The following FAM47E variants were observed in gnomAD, a reference collection of about 807,000 sequenced individuals.
FAM47E encodes protein FAM47E.
A neutral mutation model predicts 41.6 loss-of-function variants in FAM47E; 32 were observed. The observed-to-expected ratio is 0.77, with a 90% CI of 0.58 to 1.03. The LOEUF (loss-of-function observed/expected upper bound fraction) is 1.03. FAM47E is among the 50% of genes least tolerant of loss of function. The probability of loss-of-function intolerance (pLI) is 0.00; values close to 1 mark genes in which losing one functional copy is unlikely to be tolerated. For missense variants in FAM47E, 424 were observed against 485.4 expected (o/e 0.87, Z 1.19); for synonymous variants, 184 against 188.7 (o/e 0.98, Z 0.20).
At chr4:76,222,116 A>C (rs2109980350) in intron 2 of FAM47E, among the ~76,000 whole-genome samples, 1 of 152,356 alleles carries the variant, frequency 6.6e-6, no homozygotes, top group East Asian at 1.9e-4. Flanking sequence ...CCAATCCTTT[A>C]TCTGAAGAAA....
At chr4:76,241,897 T>C (rs955816365) in intron 2 of FAM47E, among the ~76,000 whole-genome samples, 2 of 152,202 alleles carry the variant, frequency 1.3e-5, no homozygotes, top group African/African-American at 4.8e-5. Context: ...GAAGCTGCAC[T>C]CTTCACGTTG....
At chr4:76,237,191 G>A (rs1427463128) in intron 2 of FAM47E, among the ~76,000 whole-genome samples, 1 of 151,914 alleles carries the variant, frequency 6.6e-6, no homozygotes, top group African/African-American at 2.4e-5. Context: ...CACCGCGCCT[G>A]GCCATAAAAT....
intron 2 of FAM47E, among the ~76,000 whole-genome samples, chr4:76,245,526 T>C (rs1733807347): frequency 1.3e-5 from 2 of 152,024 alleles, no homozygotes; most frequent in Admixed American, 1.3e-4. Context: ...CCTTCCTCCA[T>C]CCCCAATCTC....
chr4:76,253,982 C>G (rs1318702671), intron 1 of FAM47E, among the ~76,000 whole-genome samples: 2 of 151,890 alleles, frequency 1.3e-5, no homozygotes, highest in Non-Finnish European at 2.9e-5. Context: ...TTTAGCTAGG[C>G]ATGGTGCCGC....
At chr4:76,278,269 C>A in intron 6 of FAM47E, 45 bp downstream of exon 6, 1 of 1,437,650 alleles carries the variant, frequency 7.0e-7, no homozygotes, top group South Asian at 1.6e-5. Flanking sequence ...TTCAGATGAT[C>A]ACAGTGCATC....
At chr4:76,276,063 C>CACACAT (rs1735092202) in intron 5 of FAM47E, among the ~76,000 whole-genome samples, 1 of 149,138 alleles carries the variant, frequency 6.7e-6, no homozygotes, top group Admixed American at 6.7e-5. Flanking sequence ...CACACACACA[C>CACACAT]ACACACCCCT....
rs1169284787 is a variant in FAM47E, at chr4:76,280,320, CA to C, written c.1084del (p.Arg362GlyfsTer27). The C allele has an allele frequency of 6.5e-7, 1 of 1,548,308 alleles. No homozygotes were observed. Among genetic ancestry groups the C allele is most frequent in the Non-Finnish European group, 8.7e-7 (1 of 1,144,196 alleles). On this transcript the variant is annotated frameshift_variant, in exon 7 of 8. Coordinates refer to ENST00000424749, the MANE Select transcript of FAM47E (RefSeq NM_001136570.3). LOFTEE classifies it low-confidence loss of function (END_TRUNC). Reference sequence around the variant, plus strand: ...TTGCCTTTAAGGATTTCATTCTAAGCAGGGGCTACAGGACGCCACGTGTGAG... The same window carrying C: ...TTGCCTTTAAGGATTTCATTCTAAGCGGGGCTACAGGACGCCACGTGTGAG... ...TVAFKDFILS[R>X]GYRTPRFLEN...
At chr4:76,219,570 G>A (rs1396602748) in intron 2 of FAM47E, among the ~76,000 whole-genome samples, 2 of 152,126 alleles carry the variant, frequency 1.3e-5, no homozygotes, top group African/African-American at 4.8e-5. Context: ...ATGGGGAGAA[G>A]CTGTATAAAC....
At chr4:76,282,909 A>G (rs1198023392) in intron 7 of FAM47E, 2 of 154,916 alleles carry the variant, frequency 1.3e-5, no homozygotes, top group African/African-American at 4.8e-5. Context: ...GTGTGTGTGT[A>G]TACACAGTTA....
intron 1 of FAM47E, among the ~76,000 whole-genome samples, chr4:76,253,347 A>G (rs771173760): frequency 2.0e-5 from 3 of 152,116 alleles, no homozygotes; most frequent in Non-Finnish European, 4.4e-5. Context: ...ACATTTGTGT[A>G]CAGAATTTTC....
intron 2 of FAM47E, among the ~76,000 whole-genome samples, chr4:76,235,210 C>T (rs1256680258): frequency 2.6e-5 from 4 of 151,950 alleles, no homozygotes; most frequent in Admixed American, 1.3e-4. Context: ...CCCAGGTACT[C>T]GGGAGACTGA....
rs1735287635 is a variant in FAM47E, at chr4:76,280,190, C to T, written c.1027-74C>T. The T allele has an allele frequency of 8.9e-6, 8 of 902,672 alleles. No homozygotes were observed. In the South Asian group the frequency reaches 1.1e-4, roughly 12 times the overall value. 55.9% of individuals were successfully genotyped at this position (902,672 alleles called of 1,614,324 possible). A position where few individuals can be genotyped will look rare whatever the true frequency, so the allele number is the denominator to read the frequency against. The stretch of plus-strand genomic sequence containing the variant: ...GAGATACTTTATAAGGAACTAAATG[C>T]TTTTAATGAGAACAAATATGAAATC... On this transcript the variant is annotated intron_variant, in intron 6 of 7. Transcript: ENST00000424749.
At chr4:76,266,332 C>T (rs944889042) in intron 3 of FAM47E, among the ~76,000 whole-genome samples, 1 of 152,226 alleles carries the variant, frequency 6.6e-6, no homozygotes, top group East Asian at 1.9e-4. Context: ...GCATCTCAGA[C>T]TAGACAAACC....
chr4:76,260,529 G>C (rs566021594), intron 2 of FAM47E, among the ~76,000 whole-genome samples: 39 of 151,818 alleles, frequency 2.6e-4, no homozygotes, highest in Admixed American at 2.4e-3. Flanking sequence ...GAGTGAAACT[G>C]TGTCCCCATC....
At chr4:76,243,396 C>G (rs4859643) in intron 2 of FAM47E, among the ~76,000 whole-genome samples, 77,875 of 152,036 alleles carry the variant, frequency 0.51, 21,857 homozygotes, top group Non-Finnish European at 0.62. Context: ...GATACTAGCT[C>G]TGGGTCTTGT....
intron 2 of FAM47E, among the ~76,000 whole-genome samples, chr4:76,260,230 A>T (rs1734351081): frequency 6.6e-6 from 1 of 152,184 alleles, no homozygotes; most frequent in African/African-American, 2.4e-5. Flanking sequence ...ATTCATACAG[A>T]ATCAAAAAAG....
chr4:76,278,290 C>G, intron 6 of FAM47E, 66 bp downstream of exon 6: 1 of 1,404,536 alleles, frequency 7.1e-7, no homozygotes, highest in Non-Finnish European at 9.3e-7. Context: ...TGCCACCCTC[C>G]TACTGAACCA....
At position 76,259,079 on chromosome 4, in the gene FAM47E, G is replaced by T. The variant is rs576461375; in HGVS notation, c.420+2556G>T. Among the ~76,000 whole-genome samples the T allele has an allele frequency of 2.1e-3, 327 of 152,320 alleles. 2 individuals carry two copies. Among genetic ancestry groups the T allele is most frequent in the African/African-American group, 7.5e-3 (311 of 41,566 alleles). On this transcript the variant is annotated intron_variant, in intron 2 of 7. Transcript: ENST00000424749. The stretch of plus-strand genomic sequence containing the variant: ...AGAAAGATCTACCCTCAGTGTTTCA[G>T]TGCTTCAGAGATCACAGAGTAAGTG...
At chr4:76,283,313 T>G in intron 7 of FAM47E, 68 bp from the exon 8 acceptor site, 1 of 852,226 alleles carries the variant, frequency 1.2e-6, no homozygotes, top group Non-Finnish European at 1.9e-6. Context: ...TGGTAGTGGT[T>G]GTGGGGAGGA....
Sources: allele counts gnomAD v4.1 joint callset (sites outside exome capture counted in the v4.1 genomes callset), GRCh38; gene constraint gnomAD v4.1.1; transcripts MANE v1.5; gene names NCBI Gene and HGNC (gene_info 2026-07-23, HGNC 2026-07-21).